ARHGEF17: variants seen among roughly 807,000 people sequenced by gnomAD.
The protein encoded by ARHGEF17 is 164 kDa Rho-specific guanine-nucleotide exchange factor.
Under a neutral mutation model 174.0 loss-of-function variants are expected in ARHGEF17, and 80 were observed. The ratio of observed to expected loss-of-function variants is 0.46; its 90% CI spans 0.38 to 0.55. The LOEUF (loss-of-function observed/expected upper bound fraction) is 0.55, where lower values mean the gene tolerates loss of function less well. Among genes scored for constraint, ARHGEF17 ranks in the 20% least tolerant of loss-of-function variants. The pLI, the probability that ARHGEF17 is intolerant of heterozygous loss-of-function variation, is 0.00. For missense variants in ARHGEF17, 2,886 were observed against 2,839.7 expected (o/e 1.02, Z -0.37); for synonymous variants, 1,311 against 1,189.1 (o/e 1.10, Z -2.11).
rs1458923048 is a variant in ARHGEF17 at position 73,309,412 on chromosome 11, G to T, written c.774G>T (p.Pro258=). ...ASSSEEEEEG[P]PQLPGAQSPA... ...CCAGCGAGGAGGAAGAGGAGGGCCC[G>T]CCGCAGCTGCCTGGAGCCCAGAGTC... The change falls in exon 1 of 21, where the codon CCG becomes CCT. Residue 258 remains proline, a synonymous_variant. Coordinates refer to ENST00000263674, the MANE Select transcript of ARHGEF17 (RefSeq NM_014786.4). 6.4e-7 allele frequency: 1 copy of T among 1,552,912 alleles called. No individual in the cohort carries two copies. Among genetic ancestry groups the T allele is most frequent in the South Asian group, 1.2e-5 (1 of 83,338 alleles).
chr11:73,313,632 G>A (rs1034580588), intron 1 of ARHGEF17, among the ~76,000 whole-genome samples: 2 of 152,188 alleles, frequency 1.3e-5, no homozygotes, highest in African/African-American at 4.8e-5. Flanking sequence ...ACGAACAGAG[G>A]CCTTCTCTGA....
intron 9 of ARHGEF17, 36 bp downstream of exon 9, chr11:73,357,363 C>T (rs1186574948): frequency 1.3e-6 from 2 of 1,585,002 alleles, no homozygotes; most frequent in Non-Finnish European, 1.7e-6. Context: ...GTGTTGGGGT[C>T]TTCCTCTGAG....
chr11:73,312,797 A>G (rs1193458373), intron 1 of ARHGEF17, among the ~76,000 whole-genome samples: 2 of 150,926 alleles, frequency 1.3e-5, no homozygotes, highest in African/African-American at 4.9e-5. Context: ...CTTCTTGGTG[A>G]CTCTGAGATG....
intron 1 of ARHGEF17, among the ~76,000 whole-genome samples, chr11:73,318,058 C>T (rs1864956731): frequency 6.6e-6 from 1 of 152,118 alleles, no homozygotes; most frequent in Admixed American, 6.5e-5. Flanking sequence ...TAAACCTCCT[C>T]CCAGGGCTGT....
At chr11:73,343,613 T>C (rs1344538939) in intron 1 of ARHGEF17, among the ~76,000 whole-genome samples, 1 of 152,166 alleles carries the variant, frequency 6.6e-6, no homozygotes, top group Non-Finnish European at 1.5e-5. Context: ...GGTGTATGTG[T>C]GTGCTGGAAA....
At chr11:73,364,963 A>G (rs1865811192) in intron 18 of ARHGEF17, 1 of 307,116 alleles carries the variant, frequency 3.3e-6, no homozygotes, top group Admixed American at 4.7e-5. Context: ...CACACATGTC[A>G]GAAGTATCCA....
intron 6 of ARHGEF17, 91 bp from the exon 7 acceptor site, chr11:73,356,618 A>G (rs1865646202): frequency 1.2e-5 from 18 of 1,534,382 alleles, no homozygotes; most frequent in Middle Eastern, 1.7e-4. Flanking sequence ...GGCCTAGCCC[A>G]TGGAGTGGGG....
At chr11:73,337,628 C>T (rs1865307400) in intron 1 of ARHGEF17, among the ~76,000 whole-genome samples, 1 of 152,084 alleles carries the variant, frequency 6.6e-6, no homozygotes, top group South Asian at 2.1e-4. Context: ...CTGTGTTGCC[C>T]AGGCTGGTCT....
At position 73,360,078 on chromosome 11, in the gene ARHGEF17, A is replaced by C. The variant is rs190569641; in HGVS notation, c.4206+126A>C. On this transcript the variant is annotated intron_variant, in intron 10 of 20. Coordinates refer to ENST00000263674, the MANE Select transcript of ARHGEF17 (RefSeq NM_014786.4). Reference sequence around the variant, plus strand: ...TCCCTTTCCCTCATCTGAAGGCAAAAATCGCAGCCTCCCTGCGTATGGGGG... The same window carrying C: ...TCCCTTTCCCTCATCTGAAGGCAAACATCGCAGCCTCCCTGCGTATGGGGG... 565 of 1,030,874 alleles carry C rather than the reference A, an allele frequency of 5.5e-4. 3 individuals carry two copies. In the East Asian group the frequency reaches 0.013, roughly 24 times the overall value. 63.9% of individuals were successfully genotyped at this position (1,030,874 alleles called of 1,614,324 possible). A position where few individuals can be genotyped will look rare whatever the true frequency, so the allele number is the denominator to read the frequency against.
At chr11:73,348,858 G>T (rs1393210269) in intron 2 of ARHGEF17, among the ~76,000 whole-genome samples, 1 of 152,172 alleles carries the variant, frequency 6.6e-6, no homozygotes, top group Non-Finnish European at 1.5e-5. Flanking sequence ...GCCTACCCTG[G>T]TGTCGGGGTC....
In ARHGEF17 at chr11:73,311,201, C is replaced by T. The variant is rs532204144; in HGVS notation, c.2563C>T (p.Pro855Ser). 2 of 1,599,506 alleles carry T rather than the reference C, an allele frequency of 1.3e-6. No homozygotes were observed. Among genetic ancestry groups the T allele is most frequent in the Non-Finnish European group, 1.7e-6 (2 of 1,170,426 alleles). The change falls in exon 1 of 21, where the codon CCC (proline) becomes TCC (serine). Residue 855 changes from proline to serine, a missense_variant. Coordinates refer to ENST00000263674, the MANE Select transcript of ARHGEF17 (RefSeq NM_014786.4). ...PGGEPIREVE[P>S]MLPPSSSEPI... ...AGGGGAGCCCATCCGAGAAGTTGAG[C>T]CCATGCTGCCTCCATCCAGCAGCGA...
chr11:73,356,094 A>G, intron 5 of ARHGEF17, 81 bp from the exon 6 acceptor site: 2 of 1,579,498 alleles, frequency 1.3e-6, no homozygotes, highest in South Asian at 2.3e-5. Flanking sequence ...TTTGGTGTCT[A>G]CCCATAGTCC....
At chr11:73,314,586 C>T (rs1049263898) in intron 1 of ARHGEF17, among the ~76,000 whole-genome samples, 3 of 152,086 alleles carry the variant, frequency 2.0e-5, no homozygotes, top group East Asian at 1.9e-4. Context: ...GAGGAGCCAG[C>T]GGTGTGGCTG....
Position 73,363,229 on chromosome 11 carries a change from G to A in ARHGEF17, c.5020G>A (p.Glu1674Lys), listed in dbSNP as rs1336589659. Residue 1674 changes from glutamate (E) to lysine (K), a missense_variant, in exon 15 of 21, where the codon GAG becomes AAG. Coordinates refer to ENST00000263674, the MANE Select transcript of ARHGEF17 (RefSeq NM_014786.4). The part of the protein sequence containing the change: ...FGNEETPSSK[E>K]ATAETTSSEE... ...AGATGAGGAGACCCCGAGTTCCAAG[G>A]AGGCCACGGCAGAGACCACCAGCTC... is the stretch of plus-strand genomic sequence containing the variant. The A allele has an allele frequency of 6.3e-7, 1 of 1,581,178 alleles. No homozygotes were observed. Among genetic ancestry groups the A allele is most frequent in the Admixed American group, 1.8e-5 (1 of 55,828 alleles).
At position 73,308,692 on chromosome 11, in the gene ARHGEF17, G is replaced by A; in HGVS notation, c.54G>A (p.Leu18=). The change falls in exon 1 of 21, where the codon CTG becomes CTA. Residue 18 remains leucine (L), a synonymous_variant. Coordinates refer to ENST00000263674, the MANE Select transcript of ARHGEF17 (RefSeq NM_014786.4). ...PQLYRSVSFK[L]LERWSGGPGL... The stretch of plus-strand genomic sequence containing the variant: ...TTTACCGCAGCGTCTCGTTCAAGCT[G>A]CTGGAGCGCTGGAGCGGCGGCCCCG... 6.6e-7 allele frequency: 1 copy of A among 1,517,404 alleles called. No individual in the cohort carries two copies. Among genetic ancestry groups the A allele is most frequent in the Non-Finnish European group, 8.8e-7 (1 of 1,136,034 alleles). The allele number at this position is 1,517,404 out of a possible 1,614,324, so 94.0% of individuals were successfully genotyped here.
chr11:73,325,050 C>A (rs1865078635), intron 1 of ARHGEF17, among the ~76,000 whole-genome samples: 1 of 152,036 alleles, frequency 6.6e-6, no homozygotes, highest in Non-Finnish European at 1.5e-5. Context: ...GGGCCACGGG[C>A]AGGTGAAGGG....
rs774075862 is a variant in ARHGEF17 at position 73,363,373 on chromosome 11, A to C, written c.5164A>C (p.Thr1722Pro). 1.9e-6 allele frequency: 3 copies of C among 1,612,882 alleles called. No homozygotes were observed. The highest frequency in any genetic ancestry group is 2.5e-6 in the Non-Finnish European group (3 of 1,179,812). Reference sequence around the variant, plus strand: ...TCGCCGCTCCAGCCACGGCTCCTTCACCCGGGGCAGCCTTGAGGACCTGCT... The same window carrying C: ...TCGCCGCTCCAGCCACGGCTCCTTCCCCCGGGGCAGCCTTGAGGACCTGCT... ...ALRRSSHGSF[T>P]RGSLEDLLSV... The change falls in exon 15 of 21, where the codon ACC becomes CCC. Residue 1722 changes from threonine to proline, a missense_variant. Around this residue, in one of 4 missense-constraint regions of ARHGEF17, gnomAD observed 476 missense variants for 473.1 expected, o/e 1.01. Transcript: ENST00000263674.
In ARHGEF17 at chr11:73,311,237, G is replaced by A. The variant is rs750854808; in HGVS notation, c.2599G>A (p.Val867Ile). 1.2e-6 allele frequency: 2 copies of A among 1,611,134 alleles called. No individual in the cohort carries two copies. The highest frequency in any genetic ancestry group is 1.7e-6 in the Non-Finnish European group (2 of 1,178,474). ...LPPSSSEPIL[V>I]EQRAEPEEPG... ...TCCATCCAGCAGCGAGCCCATCCTTGTAGAGCAGCGGGCAGAGCCAGAAGA... is the reference window on the plus strand; with the variant it reads ...TCCATCCAGCAGCGAGCCCATCCTTATAGAGCAGCGGGCAGAGCCAGAAGA... Residue 867 changes from valine (V) to isoleucine (I), a missense_variant, in exon 1 of 21, where the codon GTA becomes ATA. This residue lies in a region of ARHGEF17 where 1,728 missense variants were observed against 1,461.2 expected (regional missense o/e 1.18). Transcript: ENST00000263674.
chr11:73,361,894 C>T (rs1214125916), intron 12 of ARHGEF17, 146 bp from the exon 13 acceptor site: 6 of 861,380 alleles, frequency 7.0e-6, no homozygotes, highest in Admixed American at 2.9e-5. Context: ...TATGTGTACG[C>T]GTGTGTAGAA....
Sources: gnomAD v4.1 joint callset for allele counts (sites outside exome capture counted in the v4.1 genomes callset) on GRCh38, gnomAD v4.1.1 for gene constraint, gnomAD v4.1.1 regional missense constraint, MANE v1.5 for transcripts, NCBI Gene and HGNC (gene_info 2026-07-23, HGNC 2026-07-21) for gene names.